The following LRIG1 variants were observed in gnomAD, a reference collection of about 807,000 sequenced individuals.
LRIG1 encodes the protein leucine rich repeats and immunoglobulin like domains 1.
Under a neutral mutation model 99.2 loss-of-function variants are expected in LRIG1, and 48 were observed. That is an observed-to-expected ratio of 0.48 (90% confidence interval 0.38 to 0.62). The LOEUF is 0.62. Among genes scored for constraint, LRIG1 ranks in the 20% least tolerant of loss-of-function variants. The pLI is 0.00. For synonymous variants in LRIG1, 772 were observed against 596.1 expected (o/e 1.29, Z -4.30); for missense variants, 1,646 against 1,434.4 (o/e 1.15, Z -2.38).
At chr3:66,454,631 G>A (rs1230442995) in intron 2 of LRIG1, among the ~76,000 whole-genome samples, 1 of 152,120 alleles carries the variant, frequency 6.6e-6, no homozygotes, top group Admixed American at 6.5e-5. Context: ...GGATTAAGAA[G>A]TGCCTCAGAT....
chr3:66,425,743 T>G (rs997531558), intron 3 of LRIG1, among the ~76,000 whole-genome samples: 2 of 152,324 alleles, frequency 1.3e-5, no homozygotes, highest in African/African-American at 2.4e-5. Context: ...GGCATTCGCC[T>G]CCATCCACAG....
Position 66,401,279 on chromosome 3 carries a change from G to A in LRIG1, c.1161-2238C>T, listed in dbSNP as rs140820864. Among the ~76,000 whole-genome samples the A allele has an allele frequency of 4.8e-3, 736 of 152,212 alleles. 12 individuals carry two copies. Among genetic ancestry groups the A allele is most frequent in the African/African-American group, 0.013 (539 of 41,540 alleles). ...CTTAGGCGCTTTAACCACAAAACTC[G>A]CCAGCAAGTAACAGCTCATGGGGCA... is the stretch of plus-strand genomic sequence containing the variant. On this transcript the variant is annotated intron_variant, in intron 9 of 18. Coordinates refer to ENST00000273261, the MANE Select transcript of LRIG1 (RefSeq NM_015541.3).
chr3:66,406,957 G>A (rs1454497334), intron 8 of LRIG1, among the ~76,000 whole-genome samples: 1 of 152,180 alleles, frequency 6.6e-6, no homozygotes, highest in African/African-American at 2.4e-5. Flanking sequence ...CTTGGAAGTT[G>A]CAGCTGAAGA....
At chr3:66,465,016 C>G (rs1384780401) in intron 1 of LRIG1, among the ~76,000 whole-genome samples, 1 of 152,102 alleles carries the variant, frequency 6.6e-6, no homozygotes, top group African/African-American at 2.4e-5. Context: ...GTTAAGTTTT[C>G]ACGGGGTCAG....
intron 3 of LRIG1, among the ~76,000 whole-genome samples, chr3:66,447,557 G>A (rs918968138): frequency 2.6e-5 from 4 of 152,168 alleles, no homozygotes; most frequent in African/African-American, 9.7e-5. Context: ...TGAGGACACA[G>A]GCTGTGGGAG....
chr3:66,459,975 CTCA>C (rs1700319258), intron 2 of LRIG1, among the ~76,000 whole-genome samples: 1 of 151,980 alleles, frequency 6.6e-6, no homozygotes, highest in African/African-American at 2.4e-5. Flanking sequence ...TTATATTTTA[CTCA>C]TCATTTTTTT....
At chr3:66,495,844 G>T (rs1262173354) in intron 1 of LRIG1, among the ~76,000 whole-genome samples, 1 of 152,182 alleles carries the variant, frequency 6.6e-6, no homozygotes. Flanking sequence ...TGAAGACTTT[G>T]CACCAAGGAG....
At chr3:66,415,351 C>A (rs537095842) in intron 4 of LRIG1, among the ~76,000 whole-genome samples, 1 of 152,226 alleles carries the variant, frequency 6.6e-6, no homozygotes, top group Non-Finnish European at 1.5e-5. Context: ...AGTCAAACAC[C>A]CCCATGCCCA....
chr3:66,443,627 C>T (rs1472183188), intron 3 of LRIG1, among the ~76,000 whole-genome samples: 1 of 152,280 alleles, frequency 6.6e-6, no homozygotes, highest in East Asian at 1.9e-4. Context: ...CTTAGACATT[C>T]CCCAGCCCCT....
chr3:66,418,694 C>T (rs1702700566), intron 3 of LRIG1, among the ~76,000 whole-genome samples: 1 of 152,188 alleles, frequency 6.6e-6, no homozygotes, highest in Admixed American at 6.5e-5. Context: ...ACAAGTAAGC[C>T]AGGCGTCGCT....
chr3:66,398,197 T>C lies in LRIG1; in HGVS notation c.1233-14A>G, dbSNP rs1359014506. 1.2e-6 allele frequency: 2 copies of C among 1,608,742 alleles called. No individual in the cohort carries two copies. Among genetic ancestry groups the C allele is most frequent in the Admixed American group, 1.7e-5 (1 of 59,984 alleles). ...CCTCCAAGGTTCCTGAAACAGAACA[T>C]ACATTACTTATGCAAAGAAACCCTA... is the stretch of plus-strand genomic sequence containing the variant. On this transcript the variant is annotated splice_polypyrimidine_tract_variant and intron_variant, in intron 10 of 18. Coordinates refer to ENST00000273261, the MANE Select transcript of LRIG1 (RefSeq NM_015541.3).
At chr3:66,471,820 CT>C (rs921442041) in intron 1 of LRIG1, among the ~76,000 whole-genome samples, 3 of 152,154 alleles carry the variant, frequency 2.0e-5, no homozygotes, top group Non-Finnish European at 4.4e-5. Context: ...TCACCAAGTG[CT>C]TTGTAAAGTC....
At chr3:66,407,836 G>C (rs1479737266) in intron 7 of LRIG1, among the ~76,000 whole-genome samples, 9 of 152,236 alleles carry the variant, frequency 5.9e-5, no homozygotes, top group Non-Finnish European at 1.3e-4. Context: ...GGCAGCTCCT[G>C]ATTCAGGCTA....
intron 3 of LRIG1, 69 bp from the exon 4 acceptor site, chr3:66,417,335 C>T: frequency 6.7e-7 from 1 of 1,489,138 alleles, no homozygotes; most frequent in Non-Finnish European, 9.3e-7. Flanking sequence ...ACTAGTATTC[C>T]TGCACCCCAC....
Position 66,384,211 on chromosome 3 carries a change from G to T in LRIG1, c.1851C>A (p.Arg617=), listed in dbSNP as rs771242482. The stretch of plus-strand genomic sequence containing the variant: ...GGTGACCTGTGGCAGCACATTCGAG[G>T]CGGGCCATGGTGGTGGTCCGGATGG... ...DITIRTTTMA[R]LECAATGHPN... Residue 617 remains arginine (R), a synonymous_variant, in exon 14 of 19, where the codon CGC becomes CGA. Coordinates refer to ENST00000273261, the MANE Select transcript of LRIG1 (RefSeq NM_015541.3). The T allele has an allele frequency of 3.1e-6, 5 of 1,614,030 alleles. No homozygotes were observed. The African/African-American group carries it at 5.3e-5, about 17-fold the overall frequency.
chr3:66,388,863 G>A (rs566901784), intron 12 of LRIG1, among the ~76,000 whole-genome samples: 4 of 152,150 alleles, frequency 2.6e-5, no homozygotes, highest in Non-Finnish European at 5.9e-5. Context: ...ATCCAGGAGA[G>A]TATTTAGTAT....
intron 13 of LRIG1, 100 bp from the exon 14 acceptor site, chr3:66,384,372 G>T (rs1402557190): frequency 1.5e-6 from 2 of 1,290,506 alleles, no homozygotes; most frequent in Non-Finnish European, 2.2e-6. Context: ...CCCAGTGCCA[G>T]TTCACTTCTT....
chr3:66,458,978 C>T (rs1303765414), intron 2 of LRIG1, among the ~76,000 whole-genome samples: 2 of 146,166 alleles, frequency 1.4e-5, no homozygotes, highest in African/African-American at 5.0e-5. Flanking sequence ...GATTGCACTG[C>T]ACTCCAGCCT....
At position 66,500,518 on chromosome 3, in the gene LRIG1, G is replaced by A. The variant is rs1174157099; in HGVS notation, c.-111C>T. 7 of 511,416 alleles carry A rather than the reference G, an allele frequency of 1.4e-5. No homozygotes were observed. Among genetic ancestry groups the A allele is most frequent in the Non-Finnish European group, 1.8e-5 (6 of 326,696 alleles). 31.7% of individuals were successfully genotyped at this position (511,416 alleles called of 1,614,324 possible). On this transcript the variant is annotated 5_prime_UTR_variant, in exon 1 of 19. Transcript: ENST00000273261. ...CCGCTCGGCTCTAGACTCCGCACCG[G>A]GGCATGGCCCCCGCCCCAAGTTCTC...
Sources: allele counts gnomAD v4.1 joint callset (sites outside exome capture counted in the v4.1 genomes callset), GRCh38; gene constraint gnomAD v4.1.1; transcripts MANE v1.5; gene names NCBI Gene and HGNC (gene_info 2026-07-23, HGNC 2026-07-21).